The following KIF9 variants were observed in gnomAD, a reference collection of about 807,000 sequenced individuals.
The protein encoded by KIF9 is kinesin-like protein KIF9.
In KIF9, 68 loss-of-function variants were observed where a neutral mutation model predicts 94.8. The ratio of observed to expected loss-of-function variants is 0.72; its 90% CI spans 0.59 to 0.88. The LOEUF (loss-of-function observed/expected upper bound fraction) is 0.88, where lower values mean the gene tolerates loss of function less well. Among genes scored for constraint, KIF9 ranks in the 40% least tolerant of loss-of-function variants. The pLI, the probability that KIF9 is intolerant of heterozygous loss-of-function variation, is 0.00. For missense variants in KIF9, 882 were observed against 982.5 expected (o/e 0.90, Z 1.37); for synonymous variants, 343 against 362.1 (o/e 0.95, Z 0.60).
In KIF9 at chr3:47,265,803, G is replaced by A; in HGVS notation, c.843C>T (p.Ala281=). 2 of 1,614,126 alleles carry A rather than the reference G, an allele frequency of 1.2e-6. No individual in the cohort carries two copies. Among genetic ancestry groups the A allele is most frequent in the Non-Finnish European group, 1.7e-6 (2 of 1,180,014 alleles). The stretch of plus-strand genomic sequence containing the variant: ...TGTGGTCCCGCTTCTGGTCCCCAAG[G>A]GCAATGATGGCCTGCTCCAGGAATG... ...SLSFLEQAII[A]LGDQKRDHIP... Residue 281 remains alanine (A), a synonymous_variant, in exon 8 of 21, where the codon GCC becomes GCT. Transcript: ENST00000684063.
chr3:47,245,793 A>G (rs978513386), intron 13 of KIF9: 3 of 512,436 alleles, frequency 5.9e-6, no homozygotes, highest in Admixed American at 6.4e-5. Context: ...ACTTGGGACC[A>G]TGTGGGGTTC....
intron 5 of KIF9, among the ~76,000 whole-genome samples, chr3:47,270,472 C>T (rs1052572009): frequency 2.0e-5 from 3 of 151,768 alleles, no homozygotes; most frequent in Non-Finnish European, 2.9e-5. Flanking sequence ...CCAGGCTGGT[C>T]TCAAACTCCT....
At chr3:47,241,834 C>CAT (rs1214692048) in intron 16 of KIF9, among the ~76,000 whole-genome samples, 2 of 134,776 alleles carry the variant, frequency 1.5e-5, no homozygotes, top group African/African-American at 5.5e-5. Context: ...TACACACACA[C>CAT]ATATATAAAA....
In KIF9 at chr3:47,282,510, G is replaced by T. The variant is rs1702459821; in HGVS notation, c.-21C>A. 1 of 995,416 alleles carries T rather than the reference G, an allele frequency of 1.0e-6. No individual in the cohort carries two copies. The highest frequency in any genetic ancestry group is 1.2e-6 in the Non-Finnish European group (1 of 835,366). 61.7% of individuals were successfully genotyped at this position (995,416 alleles called of 1,614,324 possible). A position where few individuals can be genotyped will look rare whatever the true frequency, so the allele number is the denominator to read the frequency against. On this transcript the variant is annotated 5_prime_UTR_variant, in exon 1 of 21. The change creates a premature stop within an existing upstream ORF in the 5' untranslated region. Coordinates refer to ENST00000684063, the MANE Select transcript of KIF9 (RefSeq NM_182902.4). ...CCCTGCTCACCGTTCACCAGGCAGC[G>T]ACGCTCCCGGGACGCGACTGCCGCA...
chr3:47,260,903 G>T (rs1700928533), intron 9 of KIF9, among the ~76,000 whole-genome samples: 1 of 152,212 alleles, frequency 6.6e-6, no homozygotes, highest in African/African-American at 2.4e-5. Flanking sequence ...TGTGAGGGAG[G>T]CGAGAGCCAG....
chr3:47,249,926 G>A lies in KIF9; in HGVS notation c.1060-1840C>T, dbSNP rs540002231. Among the ~76,000 whole-genome samples, 34 of 152,228 alleles carry A rather than the reference G, an allele frequency of 2.2e-4. No individual in the cohort carries two copies. In the South Asian group the frequency reaches 7.0e-3, roughly 32 times the overall value. On this transcript the variant is annotated intron_variant, in intron 10 of 20. Coordinates refer to ENST00000684063, the MANE Select transcript of KIF9 (RefSeq NM_182902.4). ...TGGCCAAGCATGGTGGCATGCGCCTGTAATCCCAACTACTAGAGAGGCTAA... is the reference window on the plus strand; with the variant it reads ...TGGCCAAGCATGGTGGCATGCGCCTATAATCCCAACTACTAGAGAGGCTAA...
At chr3:47,262,970 C>T (rs886469238) in intron 9 of KIF9, among the ~76,000 whole-genome samples, 2 of 152,148 alleles carry the variant, frequency 1.3e-5, no homozygotes, top group African/African-American at 2.4e-5. Context: ...GCAATCTCAG[C>T]TCACTACAAC....
chr3:47,269,866 C>T (rs1430385585), intron 5 of KIF9, among the ~76,000 whole-genome samples: 1 of 150,758 alleles, frequency 6.6e-6, no homozygotes, highest in African/African-American at 2.4e-5. Context: ...ACCTCTGCCT[C>T]CCGGGTTCAA....
In KIF9 at chr3:47,282,595, C is replaced by T. The variant is rs1360025716; in HGVS notation, c.-106G>A. On this transcript the variant is annotated 5_prime_UTR_variant, in exon 1 of 21. Coordinates refer to ENST00000684063, the MANE Select transcript of KIF9 (RefSeq NM_182902.4). ...CTGGCTGTGTACATAGTCGCCATGG[C>T]AACGGGTCGCTTCCGGGGATTCCGG... 1 of 1,092,364 alleles carries T rather than the reference C, an allele frequency of 9.2e-7. No homozygotes were observed. The highest frequency in any genetic ancestry group is 7.4e-5 in the East Asian group (1 of 13,534). The allele number at this position is 1,092,364 out of a possible 1,614,324, so 67.7% of individuals were successfully genotyped here.
At position 47,248,091 on chromosome 3, in the gene KIF9, C is replaced by A; in HGVS notation, c.1060-5G>T. On this transcript the variant is annotated splice_region_variant and splice_polypyrimidine_tract_variant and intron_variant, in intron 10 of 20. Coordinates refer to ENST00000684063, the MANE Select transcript of KIF9 (RefSeq NM_182902.4). ...CTCCAGGTTCTTGACCATTCTCTGC[C>A]GGGAAACATGGTAGGGTGGGGGCCG... 4 of 1,612,062 alleles carry A rather than the reference C, an allele frequency of 2.5e-6. No homozygotes were observed. The highest frequency in any genetic ancestry group is 3.4e-6 in the Non-Finnish European group (4 of 1,178,560).
intron 20 of KIF9, among the ~76,000 whole-genome samples, chr3:47,234,017 A>T (rs1698815835): frequency 6.6e-6 from 1 of 151,976 alleles, no homozygotes; most frequent in Admixed American, 6.6e-5. Flanking sequence ...TGGGAGGTGG[A>T]GGTTGCAGTG....
intron 20 of KIF9, among the ~76,000 whole-genome samples, chr3:47,232,256 C>T (rs1156402558): frequency 2.0e-5 from 3 of 152,192 alleles, no homozygotes; most frequent in Non-Finnish European, 4.4e-5. Flanking sequence ...GCTTCCAGAA[C>T]TGTGAGCAAT....
At chr3:47,250,823 A>G (rs138474457) in intron 10 of KIF9, among the ~76,000 whole-genome samples, 4 of 152,342 alleles carry the variant, frequency 2.6e-5, no homozygotes, top group African/African-American at 9.6e-5. Context: ...CTGGTGACCA[A>G]AACTGTGACC....
chr3:47,277,078 TAA>T (rs1702022987), intron 2 of KIF9: 1 of 397,052 alleles, frequency 2.5e-6, no homozygotes, highest in Non-Finnish European at 4.5e-6. Flanking sequence ...GTAAAATTAT[TAA>T]AAGACAATTA....
At position 47,228,710 on chromosome 3, in the gene KIF9, C is replaced by T; in HGVS notation, c.2323-8G>A. 1 of 1,613,312 alleles carries T rather than the reference C, an allele frequency of 6.2e-7. No homozygotes were observed. The highest frequency in any genetic ancestry group is 2.2e-5 in the East Asian group (1 of 44,866). ...GGTTTTCAAGTAATTATGCTGGACA[C>T]AGAGGGAAGAGAAAACAGGAACTTA... On this transcript the variant is annotated splice_polypyrimidine_tract_variant and splice_region_variant and intron_variant, in intron 20 of 20. Coordinates refer to ENST00000684063, the MANE Select transcript of KIF9 (RefSeq NM_182902.4).
intron 10 of KIF9, among the ~76,000 whole-genome samples, chr3:47,249,096 A>C (rs1700107036): frequency 6.8e-6 from 1 of 147,842 alleles, no homozygotes; most frequent in South Asian, 2.1e-4. Context: ...CTCACCAACC[A>C]CTGCATGAAC....
intron 10 of KIF9, among the ~76,000 whole-genome samples, chr3:47,251,870 C>T (rs1341751791): frequency 6.6e-6 from 1 of 152,124 alleles, no homozygotes; most frequent in Non-Finnish European, 1.5e-5. Context: ...ACAGAATCAC[C>T]GACTGGCAGA....
intron 10 of KIF9, among the ~76,000 whole-genome samples, chr3:47,248,365 C>T (rs1700062763): frequency 1.3e-5 from 2 of 152,224 alleles, no homozygotes; most frequent in Non-Finnish European, 2.9e-5. Context: ...CACCTCAAAC[C>T]CCAACTCCCA....
At chr3:47,270,737 G>A (rs148843316) in intron 5 of KIF9, among the ~76,000 whole-genome samples, 43 of 151,218 alleles carry the variant, frequency 2.8e-4, no homozygotes, top group African/African-American at 8.0e-4. Flanking sequence ...TTTTATTTAC[G>A]TAACAGGAAA....
Sources: gnomAD v4.1 joint callset for allele counts (sites outside exome capture counted in the v4.1 genomes callset) on GRCh38, gnomAD v4.1.1 for gene constraint, MANE v1.5 for transcripts, NCBI Gene and HGNC (gene_info 2026-07-23, HGNC 2026-07-21) for gene names.